Variants in NEDD4 observed in about 807,000 individuals in gnomAD.
NEDD4 encodes the protein NEDD4 E3 ubiquitin protein ligase.
A neutral mutation model predicts 144.9 loss-of-function variants in NEDD4; 99 were observed. The ratio of observed to expected loss-of-function variants is 0.68; its 90% CI spans 0.58 to 0.81. The LOEUF (loss-of-function observed/expected upper bound fraction) is 0.81. Ranked by LOEUF, NEDD4 falls within the 30% of genes least tolerant of loss-of-function variation. The pLI, the probability that NEDD4 is intolerant of heterozygous loss-of-function variation, is 0.00. For missense variants in NEDD4, 985 were observed against 1,065.9 expected (o/e 0.92, Z 1.06); for synonymous variants, 318 against 350.6 (o/e 0.91, Z 1.04).
intron 2 of NEDD4, among the ~76,000 whole-genome samples, chr15:55,955,715 T>C (rs143621723): frequency 2.5e-4 from 38 of 152,184 alleles, no homozygotes; most frequent in Non-Finnish European, 5.3e-4. Context: ...AGATTGGTAA[T>C]CTGCCCATGT....
At chr15:55,867,496 T>C (rs2142051593) in intron 8 of NEDD4, among the ~76,000 whole-genome samples, 1 of 152,346 alleles carries the variant, frequency 6.6e-6, no homozygotes, top group Non-Finnish European at 1.5e-5. Context: ...TGAAATGCTG[T>C]TAAATTTTTT....
chr15:55,842,833 C>T (rs1288646993), intron 18 of NEDD4, among the ~76,000 whole-genome samples: 1 of 152,230 alleles, frequency 6.6e-6, no homozygotes. Context: ...TTCCCTACCT[C>T]TACTTTCCTC....
chr15:55,981,706 T>G (rs867397447), intron 1 of NEDD4, among the ~76,000 whole-genome samples: 2 of 152,182 alleles, frequency 1.3e-5, no homozygotes, highest in South Asian at 4.1e-4. Context: ...ACTAGCAGTA[T>G]GAACATCACA....
In NEDD4 at chr15:55,841,989, G is replaced by A; in HGVS notation, c.1783C>T (p.Leu595=). The change falls in exon 19 of 29, where the codon CTG becomes TTG. Residue 595 remains leucine, a synonymous_variant. Coordinates refer to ENST00000435532, the MANE Select transcript of NEDD4 (RefSeq NM_006154.4). The part of the protein sequence containing the change: ...YGGVAREWFF[L]ISKEMFNPYY... Reference sequence around the variant, plus strand: ...GGGTTAAACATTTCCTTTGAGATCAGGAAGAACCATTCTCTGGCAACTCCT... The same window carrying A: ...GGGTTAAACATTTCCTTTGAGATCAAGAAGAACCATTCTCTGGCAACTCCT... 6.2e-7 allele frequency: 1 copy of A among 1,614,184 alleles called. No individual in the cohort carries two copies. The highest frequency in any genetic ancestry group is 8.5e-7 in the Non-Finnish European group (1 of 1,180,022).
chr15:55,938,685 GA>G (rs2036938530), intron 4 of NEDD4, among the ~76,000 whole-genome samples: 1 of 151,806 alleles, frequency 6.6e-6, no homozygotes, highest in Non-Finnish European at 1.5e-5. Flanking sequence ...TACAAAATGG[GA>G]AAAATATTTG....
chr15:55,968,669 A>C (rs1259555134), intron 1 of NEDD4, among the ~76,000 whole-genome samples: 2 of 152,240 alleles, frequency 1.3e-5, no homozygotes, highest in Non-Finnish European at 2.9e-5. Context: ...AGAGTTCTAA[A>C]TGCACTGTTG....
chr15:55,836,154 C>T (rs1288211398), intron 24 of NEDD4, among the ~76,000 whole-genome samples: 1 of 152,130 alleles, frequency 6.6e-6, no homozygotes, highest in African/African-American at 2.4e-5. Context: ...TTCTTTGTCC[C>T]TTCCTTTGCC....
chr15:55,930,788 A>G (rs551372506), intron 4 of NEDD4, among the ~76,000 whole-genome samples: 1 of 152,148 alleles, frequency 6.6e-6, no homozygotes, highest in Non-Finnish European at 1.5e-5. Context: ...GTTTCCCTGC[A>G]CACACTCTCT....
intron 18 of NEDD4, among the ~76,000 whole-genome samples, chr15:55,842,626 C>A (rs1239513384): frequency 6.6e-6 from 1 of 152,208 alleles, no homozygotes; most frequent in Non-Finnish European, 1.5e-5. Context: ...AATCCTCCCG[C>A]CTTGGCCTCC....
chr15:55,959,806 C>T (rs1387673164), intron 2 of NEDD4, among the ~76,000 whole-genome samples: 1 of 152,140 alleles, frequency 6.6e-6, no homozygotes, highest in Non-Finnish European at 1.5e-5. Flanking sequence ...CTGAATGCCA[C>T]CAGCAACCAC....
chr15:55,942,516 C>T (rs2037025972), intron 4 of NEDD4, among the ~76,000 whole-genome samples: 1 of 152,110 alleles, frequency 6.6e-6, no homozygotes, highest in Non-Finnish European at 1.5e-5. Context: ...GTACTTCCCC[C>T]TTCATTCTCC....
chr15:55,990,568 C>A (rs2037973906), intron 1 of NEDD4, among the ~76,000 whole-genome samples: 1 of 152,182 alleles, frequency 6.6e-6, no homozygotes, highest in Non-Finnish European at 1.5e-5. Context: ...CTGTGCTTAT[C>A]AGCAGAAAAA....
chr15:55,961,773 T>A (rs1566970199), intron 2 of NEDD4, among the ~76,000 whole-genome samples: 1 of 152,112 alleles, frequency 6.6e-6, no homozygotes, highest in Non-Finnish European at 1.5e-5. Flanking sequence ...CTGGCCAGTT[T>A]GTGGTAATAT....
chr15:55,942,811 C>T (rs1274295737), intron 4 of NEDD4, among the ~76,000 whole-genome samples: 2 of 152,118 alleles, frequency 1.3e-5, no homozygotes, highest in African/African-American at 2.4e-5. Context: ...GAGGTTGAAA[C>T]AGTTTGGAGA....
chr15:55,870,374 A>G (rs2034740758), intron 7 of NEDD4, among the ~76,000 whole-genome samples: 1 of 152,158 alleles, frequency 6.6e-6, no homozygotes, highest in Non-Finnish European at 1.5e-5. Context: ...TCTGTCACAC[A>G]TTAATTTACC....
chr15:55,967,040 C>T (rs1409340302), intron 1 of NEDD4, among the ~76,000 whole-genome samples: 3 of 151,918 alleles, frequency 2.0e-5, no homozygotes, highest in Non-Finnish European at 2.9e-5. Flanking sequence ...GCATGCGCCA[C>T]CATGCCCAGA....
intron 4 of NEDD4, among the ~76,000 whole-genome samples, chr15:55,933,427 G>A (rs1324384421): frequency 1.3e-5 from 2 of 150,934 alleles, no homozygotes; most frequent in Admixed American, 1.3e-4. Flanking sequence ...ACTATCACAG[G>A]GACAGAAAAC....
chr15:55,874,776 C>G (rs1210814089), intron 5 of NEDD4, among the ~76,000 whole-genome samples: 1 of 152,110 alleles, frequency 6.6e-6, no homozygotes, highest in African/African-American at 2.4e-5. Flanking sequence ...GAGTTAGAGA[C>G]CAGCCTGACC....
intron 7 of NEDD4, among the ~76,000 whole-genome samples, chr15:55,871,609 G>C (rs2034801350): frequency 1.3e-5 from 2 of 152,068 alleles, no homozygotes; most frequent in South Asian, 2.1e-4. Flanking sequence ...CCTTTATAGA[G>C]AGTAAATATT....
Sources: allele counts gnomAD v4.1 joint callset (sites outside exome capture counted in the v4.1 genomes callset), GRCh38; gene constraint gnomAD v4.1.1; transcripts MANE v1.5; gene names NCBI Gene and HGNC (gene_info 2026-07-23, HGNC 2026-07-21).